The following PCDHA13 variants were observed in gnomAD, a reference collection of about 807,000 sequenced individuals.
PCDHA13 encodes protocadherin alpha-13.
PCDHA13 carries 54 observed loss-of-function variants against 64.8 expected under a neutral mutation model. That is an observed-to-expected ratio of 0.83 (90% CI 0.67 to 1.04). The LOEUF (loss-of-function observed/expected upper bound fraction) is 1.04, where lower values mean the gene tolerates loss of function less well. Among genes scored for constraint, PCDHA13 ranks in the 50% least tolerant of loss-of-function variants. The probability of loss-of-function intolerance (pLI) is 0.00; values close to 1 mark genes in which losing one functional copy is unlikely to be tolerated. For synonymous variants in PCDHA13, 587 were observed against 564.4 expected (o/e 1.04, Z -0.57); for missense variants, 1,248 against 1,254.3 (o/e 0.99, Z 0.08).
In PCDHA13 at chr5:140,982,576, G is replaced by C. The variant is rs782355791; in HGVS notation, c.2542+13G>C. ...AGTGCAACACCAGGTAAAGAGCTGG[G>C]GTCTCTCCATTCTTTCTTGGTTTCT... On this transcript the variant is annotated intron_variant, in intron 3 of 3. Transcript: ENST00000289272. 3.1e-6 allele frequency: 5 copies of C among 1,613,270 alleles called. 1 individual carries two copies. In the South Asian group the frequency reaches 5.5e-5, roughly 18 times the overall value.
intron 1 of PCDHA13, among the ~76,000 whole-genome samples, chr5:140,905,476 C>A (rs904790256): frequency 6.6e-6 from 1 of 152,158 alleles, no homozygotes; most frequent in East Asian, 1.9e-4. Flanking sequence ...GTGATGCCTT[C>A]AGATTTCTTC....
intron 3 of PCDHA13, among the ~76,000 whole-genome samples, chr5:140,988,674 T>C (rs1221039125): frequency 1.3e-5 from 2 of 152,240 alleles, no homozygotes; most frequent in Non-Finnish European, 2.9e-5. Context: ...GACTCTAAGA[T>C]AATTCTTTCC....
At chr5:140,899,460 T>G (rs2153464035) in intron 1 of PCDHA13, among the ~76,000 whole-genome samples, 1 of 152,380 alleles carries the variant, frequency 6.6e-6, no homozygotes, top group East Asian at 1.9e-4. Context: ...ATGTGGTTTT[T>G]GTCTTTGGTT....
chr5:140,965,445 G>T (rs1460508023), intron 1 of PCDHA13, among the ~76,000 whole-genome samples: 1 of 151,794 alleles, frequency 6.6e-6, no homozygotes, highest in Non-Finnish European at 1.5e-5. Flanking sequence ...TGAAATTGCT[G>T]GTTATTGTAA....
At chr5:140,931,390 G>A (rs1296292494) in intron 1 of PCDHA13, among the ~76,000 whole-genome samples, 1 of 152,038 alleles carries the variant, frequency 6.6e-6, no homozygotes, top group Non-Finnish European at 1.5e-5. Flanking sequence ...GGAAACATAA[G>A]TAAGCGATAG....
At chr5:140,975,472 A>G (rs1012106018) in intron 1 of PCDHA13, among the ~76,000 whole-genome samples, 2 of 152,250 alleles carry the variant, frequency 1.3e-5, no homozygotes, top group African/African-American at 4.8e-5. Flanking sequence ...AATTCTGCCT[A>G]TCAGTTTATA....
chr5:140,986,385 T>C (rs1554247992), intron 3 of PCDHA13, among the ~76,000 whole-genome samples: 2 of 152,134 alleles, frequency 1.3e-5, no homozygotes, highest in Non-Finnish European at 1.5e-5. Context: ...GGAGGGACAT[T>C]AAAGGGCCAG....
rs966554278 is a variant in PCDHA13 at position 140,906,071 on chromosome 5, G to A, written c.2394+21409G>A. On this transcript the variant is annotated intron_variant, in intron 1 of 3. Coordinates refer to ENST00000289272, the MANE Select transcript of PCDHA13 (RefSeq NM_018904.3). ...GGCTGCACTGGCAGCTGATTAGATCGCACCCACCCAGACTGAGAGTAAGTG... is the reference window on the plus strand; with the variant it reads ...GGCTGCACTGGCAGCTGATTAGATCACACCCACCCAGACTGAGAGTAAGTG... 9.2e-5 allele frequency among the ~76,000 whole-genome samples: 14 copies of A among 152,200 alleles called. 1 individual carries two copies. The highest frequency in any genetic ancestry group is 3.9e-4 in the Admixed American group (6 of 15,286).
At chr5:140,921,663 T>G (rs1427342485) in intron 1 of PCDHA13, among the ~76,000 whole-genome samples, 1 of 152,144 alleles carries the variant, frequency 6.6e-6, no homozygotes, top group Admixed American at 6.5e-5. Flanking sequence ...TAATAAAAAT[T>G]TAACAGTTAT....
intron 1 of PCDHA13, among the ~76,000 whole-genome samples, chr5:140,957,854 T>C (rs2095390646): frequency 6.6e-6 from 1 of 151,872 alleles, no homozygotes; most frequent in Non-Finnish European, 1.5e-5. Context: ...GTTTGTGTAT[T>C]TTTTTTCCTA....
intron 1 of PCDHA13, among the ~76,000 whole-genome samples, chr5:140,908,583 T>C (rs1245727862): frequency 1.3e-5 from 2 of 152,088 alleles, no homozygotes; most frequent in Admixed American, 1.3e-4. Context: ...GGAGAGTAGT[T>C]AGCTGCAGAA....
intron 1 of PCDHA13, among the ~76,000 whole-genome samples, chr5:140,892,166 A>G (rs2063413664): frequency 6.6e-6 from 1 of 152,228 alleles, no homozygotes; most frequent in Admixed American, 6.5e-5. Flanking sequence ...TATGTCCAGT[A>G]ACTGGGATCC....
In PCDHA13 at chr5:140,883,570, G is replaced by T. The variant is rs1554178743; in HGVS notation, c.1302G>T (p.Ser434=). The T allele has an allele frequency of 6.2e-7, 1 of 1,614,098 alleles. No individual in the cohort carries two copies. The highest frequency in any genetic ancestry group is 1.1e-5 in the South Asian group (1 of 91,058). The change falls in exon 1 of 4, where the codon TCG becomes TCT. Residue 434 remains serine (S), a synonymous_variant. Transcript: ENST00000289272. ...CCGCGCGGGACGGGGGCTCGCCTTCGCTGTGGGCCACGGCCAGCGTGTCGG... is the reference window on the plus strand; with the variant it reads ...CCGCGCGGGACGGGGGCTCGCCTTCTCTGTGGGCCACGGCCAGCGTGTCGG... The part of the protein sequence containing the change: ...VVTARDGGSP[S]LWATASVSVG...
At chr5:141,001,143 G>T (rs1310182286) in intron 3 of PCDHA13, among the ~76,000 whole-genome samples, 1 of 151,914 alleles carries the variant, frequency 6.6e-6, no homozygotes, top group Admixed American at 6.5e-5. Context: ...ATCTTCTGTT[G>T]CTCTGATCTT....
chr5:140,938,014 T>C (rs1554211943), intron 1 of PCDHA13, among the ~76,000 whole-genome samples: 6 of 152,220 alleles, frequency 3.9e-5, no homozygotes. Context: ...TCTTGCTAAA[T>C]AGTAAAATCT....
chr5:140,892,658 A>G (rs1202553509), intron 1 of PCDHA13, among the ~76,000 whole-genome samples: 4 of 152,202 alleles, frequency 2.6e-5, no homozygotes, highest in African/African-American at 9.7e-5. Context: ...ATACAGAGTG[A>G]CATTTTGATA....
intron 1 of PCDHA13, among the ~76,000 whole-genome samples, chr5:140,898,172 G>A (rs1262400829): frequency 2.6e-5 from 4 of 152,162 alleles, no homozygotes; most frequent in African/African-American, 9.7e-5. Context: ...TTCTTTTGCT[G>A]TGCAGAAGCT....
intron 1 of PCDHA13, among the ~76,000 whole-genome samples, chr5:140,909,331 G>T (rs1162078506): frequency 6.6e-6 from 1 of 152,226 alleles, no homozygotes; most frequent in Admixed American, 6.5e-5. Context: ...ATCAATGGTT[G>T]CATACCAGGT....
Position 140,882,424 on chromosome 5 carries a change from G to A in PCDHA13, c.156G>A (p.Leu52=). The change falls in exon 1 of 4, where the codon CTG becomes CTA. Residue 52 remains leucine, a synonymous_variant. Transcript: ENST00000289272. ...GTFVGRIAQD[L]GLELAELVPR... ...TCGTGGGCCGCATCGCTCAGGACCT[G>A]GGGCTGGAGCTGGCGGAGCTGGTGC... The A allele has an allele frequency of 6.2e-7, 1 of 1,614,114 alleles. No individual in the cohort carries two copies. Among genetic ancestry groups the A allele is most frequent in the Non-Finnish European group, 8.5e-7 (1 of 1,180,044 alleles).
Sources: gnomAD v4.1 joint callset for allele counts (sites outside exome capture counted in the v4.1 genomes callset) on GRCh38, gnomAD v4.1.1 for gene constraint, MANE v1.5 for transcripts, NCBI Gene and HGNC (gene_info 2026-07-23, HGNC 2026-07-21) for gene names.